Variants in SMIM36 observed in about 807,000 individuals in gnomAD.
SMIM36 encodes small integral membrane protein 36.
intron 4 of SMIM36, among the ~76,000 whole-genome samples, chr17:55,460,709 T>A (rs895145121): frequency 6.6e-6 from 1 of 151,684 alleles, no homozygotes; most frequent in Non-Finnish European, 1.5e-5. Context: ...TACAAAAAAA[T>A]TAGCTGGGCA....
exon 5 of SMIM36, chr17:55,450,031 T>G (rs910833480): frequency 6.6e-6 from 1 of 152,228 alleles, no homozygotes; most frequent in African/African-American, 2.4e-5. Flanking sequence ...AAGATATGAT[T>G]AAGTTAAATC....
the SMIM36 span, among the ~76,000 whole-genome samples, chr17:55,517,094 A>G: frequency 2.0e-5 from 3 of 152,224 alleles, no homozygotes; most frequent in Non-Finnish European, 4.4e-5. Flanking sequence ...CTCATGCCCT[A>G]TATAACACTG....
At chr17:55,514,074 T>G (rs1910226290), upstream of SMIM36, among the ~76,000 whole-genome samples, 1 of 152,262 alleles carries the variant, frequency 6.6e-6, no homozygotes, top group African/African-American at 2.4e-5. Context: ...TGCAATGTCT[T>G]CGGTGAAATG....
At chr17:55,496,415 G>A (rs1192131743) in intron 1 of SMIM36, among the ~76,000 whole-genome samples, 3 of 152,186 alleles carry the variant, frequency 2.0e-5, no homozygotes, top group South Asian at 2.1e-4. Flanking sequence ...AAAAATATGC[G>A]CAGACAACTT....
chr17:55,493,767 G>A (rs183369855), intron 1 of SMIM36, among the ~76,000 whole-genome samples: 34 of 138,442 alleles, frequency 2.5e-4, no homozygotes, highest in African/African-American at 1.1e-4. Context: ...CCGAGATCGC[G>A]CCACTGCACT....
chr17:55,514,021 C>G (rs10401051), upstream of SMIM36, among the ~76,000 whole-genome samples: 32,404 of 152,026 alleles, frequency 0.21, 5,022 homozygotes, highest in East Asian at 0.54. Flanking sequence ...CACCAGTGCT[C>G]AAAGTTCATT....
At chr17:55,450,784 G>A (rs964088313) in intron 4 of SMIM36, among the ~76,000 whole-genome samples, 1 of 152,236 alleles carries the variant, frequency 6.6e-6, no homozygotes. Flanking sequence ...AGTCTACACA[G>A]TAACACTGGA....
At chr17:55,456,274 C>T (rs868721184) in intron 4 of SMIM36, among the ~76,000 whole-genome samples, 10 of 151,124 alleles carry the variant, frequency 6.6e-5, no homozygotes, top group African/African-American at 7.4e-5. Context: ...CTATACAAGT[C>T]ACATCCATAG....
intron 1 of SMIM36, among the ~76,000 whole-genome samples, chr17:55,508,667 A>C (rs1462493694): frequency 6.6e-6 from 1 of 151,784 alleles, no homozygotes; most frequent in Non-Finnish European, 1.5e-5. Context: ...TCACGCCTGT[A>C]AACCCAGCAC....
At chr17:55,486,717 T>C (rs1909615005) in intron 1 of SMIM36, among the ~76,000 whole-genome samples, 1 of 152,208 alleles carries the variant, frequency 6.6e-6, no homozygotes, top group Non-Finnish European at 1.5e-5. Flanking sequence ...GAACTACTGT[T>C]CTCCATTCTA....
intron 1 of SMIM36, among the ~76,000 whole-genome samples, chr17:55,495,102 A>C (rs1278378788): frequency 1.3e-5 from 2 of 152,212 alleles, no homozygotes; most frequent in Non-Finnish European, 2.9e-5. Flanking sequence ...ATCTGCACAA[A>C]GTAGGTGCTT....
chr17:55,455,374 C>G (rs561534971), intron 4 of SMIM36, among the ~76,000 whole-genome samples: 1 of 151,616 alleles, frequency 6.6e-6, no homozygotes, highest in Admixed American at 6.6e-5. Flanking sequence ...ACGCTGCCCC[C>G]CTCCCCACAC....
chr17:55,507,460 C>T (rs1479365067), intron 1 of SMIM36, among the ~76,000 whole-genome samples: 14 of 111,696 alleles, frequency 1.3e-4, no homozygotes, highest in Admixed American at 1.2e-3. Flanking sequence ...TCATCATTCT[C>T]AGTAAACTAT....
chr17:55,501,363 T>TATATA (rs1909962668), intron 1 of SMIM36, among the ~76,000 whole-genome samples: 1 of 86,418 alleles, frequency 1.2e-5, no homozygotes, highest in Non-Finnish European at 2.0e-5. Flanking sequence ...TTATAATATA[T>TATATA]AATATATTAT....
intron 1 of SMIM36, among the ~76,000 whole-genome samples, chr17:55,503,755 C>T (rs1296704915): frequency 7.8e-6 from 1 of 128,456 alleles, no homozygotes; most frequent in Non-Finnish European, 1.6e-5. Context: ...GGGCTAAATG[C>T]TCCAATTAAA....
chr17:55,472,158 T>C (rs1347857287), intron 3 of SMIM36, among the ~76,000 whole-genome samples: 2 of 152,216 alleles, frequency 1.3e-5, no homozygotes, highest in Non-Finnish European at 2.9e-5. Context: ...CTCATATTTC[T>C]ATTCTTCCAA....
chr17:55,509,564 T>C (rs1910144537), intron 1 of SMIM36, among the ~76,000 whole-genome samples: 1 of 152,252 alleles, frequency 6.6e-6, no homozygotes, highest in African/African-American at 2.4e-5. Context: ...AAAGAGCATC[T>C]GCAAAGCTTT....
At chr17:55,475,821 G>A (rs571403888) in intron 3 of SMIM36, among the ~76,000 whole-genome samples, 1 of 151,936 alleles carries the variant, frequency 6.6e-6, no homozygotes. Flanking sequence ...ATACAAAACC[G>A]CATCCAGACC....
At chr17:55,493,286 C>T (rs953428570) in intron 1 of SMIM36, among the ~76,000 whole-genome samples, 1 of 152,198 alleles carries the variant, frequency 6.6e-6, no homozygotes, top group Non-Finnish European at 1.5e-5. Context: ...AACTCCACTC[C>T]TACTTTTGTG....
Sources: allele counts gnomAD v4.1 joint callset (sites outside exome capture counted in the v4.1 genomes callset), GRCh38; gene constraint gnomAD v4.1.1; transcripts MANE v1.5; gene names NCBI Gene and HGNC (gene_info 2026-07-23, HGNC 2026-07-21).